SF3B1: variants seen among roughly 807,000 people sequenced by gnomAD.
The protein encoded by SF3B1 is splicing factor 3b subunit 1.
SF3B1 carries 12 observed loss-of-function variants against 153.8 expected under a neutral mutation model. The observed-to-expected ratio is 0.08, with a 90% confidence interval of 0.05 to 0.13. The LOEUF is 0.13. SF3B1 is among the 10% of genes least tolerant of loss of function. The pLI, the probability that SF3B1 is intolerant of heterozygous loss-of-function variation, is 1.00. For synonymous variants in SF3B1, 498 were observed against 525.2 expected, an observed-to-expected ratio of 0.95 and a Z score of 0.71; for missense variants, 513 against 1,606.1, an observed-to-expected ratio of 0.32 and a Z score of 11.63.
At chr2:197,406,429 A>G (rs920364663) in intron 9 of SF3B1, among the ~76,000 whole-genome samples, 1 of 152,214 alleles carries the variant, frequency 6.6e-6, no homozygotes, top group African/African-American at 2.4e-5. Context: ...CGTCTGCACC[A>G]GCACAGACCA....
chr2:197,411,769 A>C (rs1003072117), intron 6 of SF3B1, among the ~76,000 whole-genome samples: 1 of 151,998 alleles, frequency 6.6e-6, no homozygotes, highest in African/African-American at 2.4e-5. Flanking sequence ...GTACCATTAA[A>C]CAAGTTTAAG....
intron 5 of SF3B1, among the ~76,000 whole-genome samples, chr2:197,417,429 T>C (rs1035468628): frequency 6.6e-6 from 1 of 151,966 alleles, no homozygotes; most frequent in African/African-American, 2.4e-5. Context: ...ATAAAATCTA[T>C]TATATATTCA....
intron 24 of SF3B1, 79 bp from the exon 25 acceptor site, chr2:197,392,540 T>C: frequency 1.3e-5 from 4 of 298,688 alleles, no homozygotes. Flanking sequence ...AACATAAAGA[T>C]ATGATTCAAA....
intron 24 of SF3B1, 52 bp from the exon 25 acceptor site, chr2:197,392,513 C>A (rs1299227901): frequency 1.3e-6 from 1 of 757,198 alleles, no homozygotes; most frequent in Non-Finnish European, 2.0e-6. Flanking sequence ...CATACATAAC[C>A]TTAACAAAAT....
At chr2:197,433,602 T>C (rs1000117267) in intron 1 of SF3B1, among the ~76,000 whole-genome samples, 2 of 152,246 alleles carry the variant, frequency 1.3e-5, no homozygotes, top group Non-Finnish European at 2.9e-5. Flanking sequence ...AATGGTATAC[T>C]AATATTAAAG....
In SF3B1 at chr2:197,391,610, G is replaced by A. The variant is rs970884783; in HGVS notation, c.*693C>T. On this transcript the variant is annotated 3_prime_UTR_variant, in exon 25 of 25. Coordinates refer to ENST00000335508, the MANE Select transcript of SF3B1 (RefSeq NM_012433.4). ...AACACAGCAGACCTGTCAAGTGTTG[G>A]ACAAGACTTAAACCACTTTCTTTAA... The A allele has an allele frequency of 6.6e-6, 1 of 152,232 alleles. No individual in the cohort carries two copies. Among genetic ancestry groups the A allele is most frequent in the African/African-American group, 2.4e-5 (1 of 41,452 alleles). 9.4% of individuals were successfully genotyped at this position (152,232 alleles called of 1,614,324 possible). A position where few individuals can be genotyped will look rare whatever the true frequency, so the allele number is the denominator to read the frequency against.
intron 22 of SF3B1, 60 bp from the exon 23 acceptor site, chr2:197,396,388 A>C (rs935703621): frequency 1.9e-4 from 262 of 1,402,280 alleles, no homozygotes; most frequent in Non-Finnish European, 2.4e-4. Flanking sequence ...TTATGGAAGA[A>C]AAAAATGCAT....
At chr2:197,392,505 T>C (rs749622754) in intron 24 of SF3B1, 44 bp from the exon 25 acceptor site, 4 of 695,952 alleles carry the variant, frequency 5.7e-6, no homozygotes, top group Admixed American at 6.2e-5. Context: ...TTTAAGAACA[T>C]ACATAACCTT....
At chr2:197,421,805 C>CT in intron 2 of SF3B1, among the ~76,000 whole-genome samples, 1 of 152,146 alleles carries the variant, frequency 6.6e-6, no homozygotes, top group Non-Finnish European at 1.5e-5. Context: ...TGGTGAAACT[C>CT]TGTCTCTACC....
rs199954940 is a variant in SF3B1, at chr2:197,402,173, C to T, written c.2078-43G>A. On this transcript the variant is annotated intron_variant, in intron 14 of 24. Coordinates refer to ENST00000335508, the MANE Select transcript of SF3B1 (RefSeq NM_012433.4). This position sits in a 1 kb window ranked among gnomAD's most constrained non-coding sequence, Gnocchi z 4.6. ...GGTTTTAACTATGCCCCAACATTAC[C>T]TAAGTTACACAATATCATCCAGATT... 7 of 1,562,240 alleles carry T rather than the reference C, an allele frequency of 4.5e-6. No homozygotes were observed. Among genetic ancestry groups the T allele is most frequent in the Middle Eastern group, 1.7e-4 (1 of 5,862 alleles).
chr2:197,411,979 G>A (rs2085075174), intron 6 of SF3B1, among the ~76,000 whole-genome samples: 1 of 151,760 alleles, frequency 6.6e-6, no homozygotes, highest in Non-Finnish European at 1.5e-5. Context: ...GTGTGGTGGT[G>A]CACACCTGTA....
chr2:197,409,714 T>C (rs2085040986), intron 7 of SF3B1, 56 bp downstream of exon 7: 3 of 1,323,328 alleles, frequency 2.3e-6, no homozygotes, highest in Non-Finnish European at 3.3e-6. Flanking sequence ...CACATTTCAG[T>C]CTGTAAACAT....
intron 1 of SF3B1, among the ~76,000 whole-genome samples, chr2:197,426,586 T>C (rs1292001573): frequency 6.6e-6 from 1 of 152,054 alleles, no homozygotes; most frequent in African/African-American, 2.4e-5. Flanking sequence ...TCAGGAGAAA[T>C]AGTCTGCAAT....
intron 1 of SF3B1, among the ~76,000 whole-genome samples, chr2:197,426,119 T>G (rs990307357): frequency 6.6e-6 from 1 of 151,910 alleles, no homozygotes; most frequent in Non-Finnish European, 1.5e-5. Flanking sequence ...CACCACTACA[T>G]GCACAGATGT....
intron 7 of SF3B1, 96 bp from the exon 8 acceptor site, chr2:197,408,677 TAAAATAGAA>T (rs1376381688): frequency 8.3e-6 from 7 of 838,982 alleles, no homozygotes; most frequent in African/African-American, 1.7e-5. Flanking sequence ...TATCAAGTTC[TAAAATAGAA>T]TATTCCTAAA....
chr2:197,402,907 AAC>A lies in SF3B1; in HGVS notation c.1806+40_1806+41del. On this transcript the variant is annotated intron_variant, in intron 13 of 24. Coordinates refer to ENST00000335508, the MANE Select transcript of SF3B1 (RefSeq NM_012433.4). The surrounding 1 kb of genome is among the most constrained non-coding windows in gnomAD (Gnocchi z 4.6). ...ATTTCTTTCCATAATCAATTCCATA[AAC>A]AGATATAAATTTTCTTCTCTAGAAA... The A allele has an allele frequency of 6.2e-7, 1 of 1,607,872 alleles. No homozygotes were observed.
intron 1 of SF3B1, among the ~76,000 whole-genome samples, chr2:197,433,317 A>G (rs570250074): frequency 6.6e-6 from 1 of 152,246 alleles, no homozygotes; most frequent in African/African-American, 2.4e-5. Flanking sequence ...GAATAGCAAT[A>G]GACCAAAGTT....
chr2:197,429,801 T>C, intron 1 of SF3B1, among the ~76,000 whole-genome samples: 1 of 150,518 alleles, frequency 6.6e-6, no homozygotes, highest in African/African-American at 2.4e-5. Flanking sequence ...AAAAAAAAAA[T>C]TTCCTTCCCA....
At chr2:197,430,813 T>C (rs1247196386) in intron 1 of SF3B1, among the ~76,000 whole-genome samples, 1 of 152,086 alleles carries the variant, frequency 6.6e-6, no homozygotes, top group African/African-American at 2.4e-5. Flanking sequence ...GTTTTGTTTT[T>C]CTGAGACAGA....
Sources: gnomAD v4.1 joint callset for allele counts (sites outside exome capture counted in the v4.1 genomes callset) on GRCh38, gnomAD v4.1.1 for gene constraint, Gnocchi (gnomAD v3.1) non-coding constraint, MANE v1.5 for transcripts, NCBI Gene and HGNC (gene_info 2026-07-23, HGNC 2026-07-21) for gene names.